Variants in IARS2 observed in about 807,000 individuals in gnomAD.
The protein encoded by IARS2 is isoleucine--tRNA ligase, mitochondrial.
In IARS2, 56 loss-of-function variants were observed where a neutral mutation model predicts 126.3. That is an observed-to-expected ratio of 0.44 (90% confidence interval 0.36 to 0.55). The LOEUF (loss-of-function observed/expected upper bound fraction) is 0.55. Ranked by LOEUF, IARS2 falls within the 20% of genes least tolerant of loss-of-function variation. The probability of loss-of-function intolerance (pLI) is 0.00; values close to 1 mark genes in which losing one functional copy is unlikely to be tolerated. For missense variants in IARS2, 1,127 were observed against 1,245.9 expected (o/e 0.90, Z 1.44); for synonymous variants, 407 against 441.1 (o/e 0.92, Z 0.97).
chr1:220,138,425 C>T (rs1294799342), intron 17 of IARS2, among the ~76,000 whole-genome samples: 3 of 152,092 alleles, frequency 2.0e-5, no homozygotes, highest in African/African-American at 2.4e-5. Flanking sequence ...GAGCCGAGAT[C>T]GCGCCACTGG....
intron 12 of IARS2, among the ~76,000 whole-genome samples, chr1:220,115,147 G>A (rs558637660): frequency 4.0e-4 from 61 of 152,268 alleles, no homozygotes; most frequent in Admixed American, 3.6e-3. Context: ...ATACAAAAGA[G>A]AGTATCTCTA....
At chr1:220,109,250 A>G (rs1314021330) in intron 10 of IARS2, among the ~76,000 whole-genome samples, 1 of 152,082 alleles carries the variant, frequency 6.6e-6, no homozygotes, top group Non-Finnish European at 1.5e-5. Context: ...AATACAAAAA[A>G]TTAGCCAGGT....
rs138389162 is a variant in IARS2 at position 220,128,273 on chromosome 1, C to G, written c.1837+1430C>G. Among the ~76,000 whole-genome samples, 1,513 of 151,918 alleles carry G rather than the reference C, an allele frequency of 1.0e-2. 22 individuals carry two copies. Among genetic ancestry groups the G allele is most frequent in the African/African-American group, 0.033 (1,380 of 41,332 alleles). On this transcript the variant is annotated intron_variant, in intron 14 of 22. Coordinates refer to ENST00000366922, the MANE Select transcript of IARS2 (RefSeq NM_018060.4). ...TGGGGGGCTGGGGGGTTGGTGGGTC[C>G]TAGAACCAATCCTCTGCATATATCA...
chr1:220,142,929 T>A lies in IARS2; in HGVS notation c.2561-15T>A. ...GATGTTTGTAAAGCAGTTTACTATT[T>A]TTGTTCTTCTGAAGAGCCCAAGAGT... On this transcript the variant is annotated splice_polypyrimidine_tract_variant and intron_variant, in intron 20 of 22. Coordinates refer to ENST00000366922, the MANE Select transcript of IARS2 (RefSeq NM_018060.4). The A allele has an allele frequency of 6.4e-7, 1 of 1,571,702 alleles. No individual in the cohort carries two copies. Among genetic ancestry groups the A allele is most frequent in the Non-Finnish European group, 8.7e-7 (1 of 1,153,060 alleles).
rs1280048379 is a variant in IARS2 at position 220,112,380 on chromosome 1, C to T, written c.1479+1443C>T. Among the ~76,000 whole-genome samples, 9 of 61,736 alleles carry T rather than the reference C, an allele frequency of 1.5e-4. 2 individuals are homozygous for T. The highest frequency in any genetic ancestry group is 5.1e-4 in the African/African-American group (7 of 13,610). The allele number at this position is 61,736 out of a possible 152,430, so 40.5% of individuals were successfully genotyped here. A position where few individuals can be genotyped will look rare whatever the true frequency, so the allele number is the denominator to read the frequency against. ...CGATCTCCTGACCTCATGATCCACC[C>T]GCCTCGGCCTCCCAAAGTGCTGGGA... On this transcript the variant is annotated intron_variant, in intron 11 of 22. Transcript: ENST00000366922.
At chr1:220,113,366 C>A (rs1416040249) in intron 11 of IARS2, among the ~76,000 whole-genome samples, 1 of 152,106 alleles carries the variant, frequency 6.6e-6, no homozygotes, top group African/African-American at 2.4e-5. Context: ...GAGGGGACTT[C>A]TGGTAGTTAC....
intron 22 of IARS2, among the ~76,000 whole-genome samples, chr1:220,146,516 T>TTAAA (rs1657594506): frequency 3.4e-5 from 1 of 29,014 alleles, no homozygotes; most frequent in Admixed American, 5.2e-4. Flanking sequence ...AGACTCCGTC[T>TTAAA]CAAAAAAAAA....
At chr1:220,135,861 A>G (rs1475853566) in intron 15 of IARS2, among the ~76,000 whole-genome samples, 2 of 136,328 alleles carry the variant, frequency 1.5e-5, no homozygotes, top group African/African-American at 2.8e-5. Context: ...TTCCGCTATC[A>G]CCACAAGAGG....
intron 19 of IARS2, among the ~76,000 whole-genome samples, chr1:220,141,265 GA>G (rs1380463048): frequency 1.3e-5 from 2 of 152,142 alleles, no homozygotes; most frequent in Non-Finnish European, 2.9e-5. Flanking sequence ...GGAAGAGAGA[GA>G]TATATATGTG....
At chr1:220,098,960 C>A (rs879820278) in intron 2 of IARS2, among the ~76,000 whole-genome samples, 1 of 152,052 alleles carries the variant, frequency 6.6e-6, no homozygotes, top group Admixed American at 6.6e-5. Flanking sequence ...GGCCTGTAAT[C>A]CCAGCACTTT....
intron 22 of IARS2, 149 bp from the exon 23 acceptor site, chr1:220,147,344 T>C (rs894775445): frequency 1.6e-5 from 11 of 674,076 alleles, no homozygotes; most frequent in Non-Finnish European, 2.8e-5. Context: ...ATCTTGGCTA[T>C]ATATGTAATG....
chr1:220,143,870 C>G (rs1482643359), intron 21 of IARS2: 1 of 643,992 alleles, frequency 1.6e-6, no homozygotes, highest in African/African-American at 1.8e-5. Flanking sequence ...TGATTTTTCT[C>G]CAGTCTAAAT....
chr1:220,126,956 C>A, intron 14 of IARS2, 113 bp downstream of exon 14: 1 of 726,112 alleles, frequency 1.4e-6, no homozygotes, highest in Non-Finnish European at 2.3e-6. Context: ...ATTTAGAGAT[C>A]TGCTATATTT....
intron 22 of IARS2, among the ~76,000 whole-genome samples, chr1:220,146,114 A>C (rs1297138364): frequency 6.6e-6 from 1 of 152,214 alleles, no homozygotes; most frequent in South Asian, 2.1e-4. Context: ...TATTGAGCTC[A>C]TTCTAACAAT....
At chr1:220,135,530 T>G (rs569959206) in intron 15 of IARS2, among the ~76,000 whole-genome samples, 1 of 152,206 alleles carries the variant, frequency 6.6e-6, no homozygotes, top group Admixed American at 6.5e-5. Flanking sequence ...CGGCTAATTT[T>G]TGTACTTTTA....
In IARS2 at chr1:220,105,998, C is replaced by A. The variant is rs1196440157; in HGVS notation, c.1174C>A (p.His392Asn). The change falls in exon 9 of 23, where the codon CAC (histidine) becomes AAC (asparagine). Residue 392 changes from histidine to asparagine, a missense_variant. By Grantham distance (68) the His-to-Asn change is moderately conservative. Transcript: ENST00000366922. ...VTMAKGTGLV[H>N]TAPAHGMEDY... ...CATGGCAAAAGGAACGGGATTGGTT[C>A]ACACAGCCCCAGCTCATGGTATGGA... The A allele has an allele frequency of 6.2e-7, 1 of 1,614,132 alleles. No homozygotes were observed. Among genetic ancestry groups the A allele is most frequent in the East Asian group, 2.2e-5 (1 of 44,872 alleles).
intron 9 of IARS2, among the ~76,000 whole-genome samples, 157 bp downstream of exon 9, chr1:220,106,217 A>C (rs1046887279): frequency 6.6e-6 from 1 of 152,210 alleles, no homozygotes. Context: ...ATTAATTCGT[A>C]CTAATTGAAA....
At chr1:220,104,427 A>AG (rs1656639885) in intron 8 of IARS2, among the ~76,000 whole-genome samples, 1 of 152,166 alleles carries the variant, frequency 6.6e-6, no homozygotes, top group African/African-American at 2.4e-5. Context: ...TCTGTTGCCC[A>AG]GGCTGGAGTG....
At chr1:220,111,777 G>T (rs951523446) in intron 11 of IARS2, among the ~76,000 whole-genome samples, 53 of 152,004 alleles carry the variant, frequency 3.5e-4, no homozygotes, top group Non-Finnish European at 6.8e-4. Context: ...TGGGGTCCTT[G>T]CCAAAGCTTT....
Sources: allele counts gnomAD v4.1 joint callset (sites outside exome capture counted in the v4.1 genomes callset), GRCh38; gene constraint gnomAD v4.1.1; transcripts MANE v1.5; gene names NCBI Gene and HGNC (gene_info 2026-07-23, HGNC 2026-07-21).